IL18: variants seen among roughly 807,000 people sequenced by gnomAD.
The protein encoded by IL18 is interleukin-18.
A neutral mutation model predicts 14.2 loss-of-function variants in IL18; 8 were observed. That is an observed-to-expected ratio of 0.56 (90% confidence interval 0.33 to 1.01). The LOEUF (loss-of-function observed/expected upper bound fraction) is 1.01, where lower values mean the gene tolerates loss of function less well. Among genes scored for constraint, IL18 ranks in the 50% least tolerant of loss-of-function variants. The probability of loss-of-function intolerance (pLI) is 0.03; values close to 1 mark genes in which losing one functional copy is unlikely to be tolerated. For missense variants in IL18, 166 were observed against 231.1 expected (o/e 0.72, Z 1.83); for synonymous variants, 67 against 71.0 (o/e 0.94, Z 0.28).
chr11:112,151,135 T>C (rs1866432525), intron 3 of IL18: 2 of 152,198 alleles, frequency 1.3e-5, no homozygotes, highest in African/African-American at 4.8e-5. Flanking sequence ...GGGAACATTG[T>C]TAATAACAAC....
chr11:112,148,834 T>C, intron 4 of IL18, 98 bp from the exon 5 acceptor site: 1 of 668,714 alleles, frequency 1.5e-6, no homozygotes, highest in South Asian at 4.5e-5. Flanking sequence ...AATACACCTG[T>C]TCCCACTTTG....
At chr11:112,145,155 G>A (rs575980868) in intron 5 of IL18, among the ~76,000 whole-genome samples, 1 of 152,294 alleles carries the variant, frequency 6.6e-6, no homozygotes, top group South Asian at 2.1e-4. Flanking sequence ...GGATGGCAGA[G>A]GTCACGGGGT....
intron 1 of IL18, among the ~76,000 whole-genome samples, chr11:112,161,075 CTT>C (rs1555192220): frequency 1.4e-5 from 2 of 147,560 alleles, no homozygotes; most frequent in Admixed American, 6.8e-5. Flanking sequence ...AGACTACTGA[CTT>C]TTTTTTTTTT....
intron 1 of IL18, among the ~76,000 whole-genome samples, chr11:112,156,065 T>A (rs1392854457): frequency 6.6e-6 from 1 of 152,224 alleles, no homozygotes; most frequent in Non-Finnish European, 1.5e-5. Flanking sequence ...GATCTTATTA[T>A]TTAATGTGTT....
At chr11:112,158,131 G>T (rs959885591) in intron 1 of IL18, among the ~76,000 whole-genome samples, 1 of 152,162 alleles carries the variant, frequency 6.6e-6, no homozygotes. Context: ...ACAGGGGTAA[G>T]CCACTGTGCC....
chr11:112,150,490 A>C, intron 3 of IL18: 1 of 236,420 alleles, frequency 4.2e-6, no homozygotes, highest in Non-Finnish European at 8.3e-6. Context: ...CTCCAACTCT[A>C]TGTGTTCTTA....
intron 3 of IL18, among the ~76,000 whole-genome samples, chr11:112,151,394 G>A (rs1866436954): frequency 6.6e-6 from 1 of 151,380 alleles, no homozygotes; most frequent in Non-Finnish European, 1.5e-5. Flanking sequence ...GTATCAAAAT[G>A]GTAGCTATCA....
intron 1 of IL18, among the ~76,000 whole-genome samples, chr11:112,156,814 TA>T (rs1313587327): frequency 6.6e-6 from 1 of 151,440 alleles, no homozygotes; most frequent in Non-Finnish European, 1.5e-5. Flanking sequence ...TTATAAAATT[TA>T]AATATTTATC....
At chr11:112,155,999 G>A (rs2135319948) in intron 1 of IL18, among the ~76,000 whole-genome samples, 1 of 152,272 alleles carries the variant, frequency 6.6e-6, no homozygotes, top group South Asian at 2.1e-4. Context: ...GAGATCTTGA[G>A]ACATGGTTTA....
At position 112,143,937 on chromosome 11, in the gene IL18, T is replaced by TA. The variant is rs532583543; in HGVS notation, c.361-121dup. 662 of 659,014 alleles carry TA rather than the reference T, an allele frequency of 1.0e-3. 7 individuals are homozygous for TA. Among genetic ancestry groups the TA allele is most frequent in the South Asian group, 3.5e-3 (175 of 50,076 alleles). 40.8% of individuals were successfully genotyped at this position (659,014 alleles called of 1,614,324 possible). ...GTAGTTTTGCTTCTCAAGAGTTACA[T>TA]AAAAAAAATCTCTGAACAGCAGTAC... On this transcript the variant is annotated intron_variant, in intron 5 of 5. Transcript: ENST00000280357.
At chr11:112,153,140 T>A (rs1866475702) in intron 3 of IL18, 2 of 154,358 alleles carry the variant, frequency 1.3e-5, no homozygotes, top group African/African-American at 2.4e-5. Flanking sequence ...CCCATTCCTA[T>A]CTCCTCTACT....
rs140426504 is a variant in IL18 at position 112,146,123 on chromosome 11, A to C, written c.361-2306T>G. On this transcript the variant is annotated intron_variant, in intron 5 of 5. Transcript: ENST00000280357. ...ACCTAACATCTCCCAAGTGCACTGG[A>C]AAGTCTGAGGGAACCCTGGCCAAGC... is the stretch of plus-strand genomic sequence containing the variant. 5.9e-5 allele frequency among the ~76,000 whole-genome samples: 9 copies of C among 151,748 alleles called. No individual in the cohort carries two copies. In the East Asian group the frequency reaches 1.7e-3, roughly 29 times the overall value.
intron 5 of IL18, among the ~76,000 whole-genome samples, chr11:112,145,764 G>GA (rs1259688889): frequency 6.6e-6 from 1 of 151,924 alleles, no homozygotes; most frequent in South Asian, 2.1e-4. Context: ...AAGAAAAAAA[G>GA]AAAAAAAGAA....
At chr11:112,146,299 G>A (rs1231821507) in intron 5 of IL18, among the ~76,000 whole-genome samples, 1 of 152,078 alleles carries the variant, frequency 6.6e-6, no homozygotes, top group Non-Finnish European at 1.5e-5. Flanking sequence ...AGTGAAAGGT[G>A]AGCACATAAG....
intron 5 of IL18, among the ~76,000 whole-genome samples, chr11:112,144,462 G>A (rs552288581): frequency 6.6e-6 from 1 of 152,180 alleles, no homozygotes; most frequent in African/African-American, 2.4e-5. Flanking sequence ...GCCTAGGCTG[G>A]TCCTGAACTC....
intron 1 of IL18, among the ~76,000 whole-genome samples, chr11:112,161,683 C>T (rs1866635169): frequency 1.3e-5 from 2 of 152,104 alleles, no homozygotes; most frequent in African/African-American, 2.4e-5. Context: ...CCTTGTAGTC[C>T]CAGCTACTTG....
intron 1 of IL18, among the ~76,000 whole-genome samples, chr11:112,158,005 C>T (rs1866563127): frequency 6.6e-6 from 1 of 152,170 alleles, no homozygotes; most frequent in African/African-American, 2.4e-5. Flanking sequence ...TACAGTCATG[C>T]ACCACCACGC....
chr11:112,151,252 C>T (rs1183583558), intron 3 of IL18, among the ~76,000 whole-genome samples: 4 of 152,136 alleles, frequency 2.6e-5, no homozygotes, highest in Non-Finnish European at 5.9e-5. Flanking sequence ...TGCAATTACT[C>T]GTTGCCATGG....
In IL18 at chr11:112,148,836, C is replaced by T. The variant is rs201399018; in HGVS notation, c.227-100G>A. The T allele has an allele frequency of 7.6e-6, 5 of 659,290 alleles. No homozygotes were observed. In the East Asian group the frequency reaches 1.7e-4, roughly 23 times the overall value. 40.8% of individuals were successfully genotyped at this position (659,290 alleles called of 1,614,324 possible). Reference sequence around the variant, plus strand: ...AAGGATAGTCCTTAATACACCTGTTCCCACTTTGAGACTTGGCCAGTCTGC... The same window carrying T: ...AAGGATAGTCCTTAATACACCTGTTTCCACTTTGAGACTTGGCCAGTCTGC... On this transcript the variant is annotated intron_variant, in intron 4 of 5. Transcript: ENST00000280357.
Sources: gnomAD v4.1 joint callset for allele counts (sites outside exome capture counted in the v4.1 genomes callset) on GRCh38, gnomAD v4.1.1 for gene constraint, MANE v1.5 for transcripts, NCBI Gene and HGNC (gene_info 2026-07-23, HGNC 2026-07-21) for gene names.